Variants in CCDC171 observed in about 807,000 individuals in gnomAD.
CCDC171 encodes the protein coiled-coil domain-containing protein 171.
In CCDC171, 177 loss-of-function variants were observed where a neutral mutation model predicts 168.2. The ratio of observed to expected loss-of-function variants is 1.05; its 90% CI spans 0.93 to 1.19. CCDC171 has a LOEUF of 1.19. Ranked by LOEUF, CCDC171 falls within the 50% of genes most tolerant of loss-of-function variation. CCDC171 has a pLI of 0.00. For missense variants in CCDC171, 1,991 were observed against 1,539.0 expected, an observed-to-expected ratio of 1.29 and a Z score of -4.91; for synonymous variants, 687 against 540.8, an observed-to-expected ratio of 1.27 and a Z score of -3.75.
chr9:15,583,699 T>A (rs535873691), intron 4 of CCDC171, among the ~76,000 whole-genome samples: 1 of 152,042 alleles, frequency 6.6e-6, no homozygotes, highest in African/African-American at 2.4e-5. Flanking sequence ...GGGTGATGAG[T>A]GCACCAGAAT....
chr9:15,932,181 A>C (rs937458821), intron 25 of CCDC171, among the ~76,000 whole-genome samples: 4 of 151,870 alleles, frequency 2.6e-5, no homozygotes, highest in Non-Finnish European at 5.9e-5. Context: ...ACTGCATTAC[A>C]TCTATAGATC....
chr9:15,816,298 T>C lies in CCDC171; in HGVS notation c.3268-30404T>C, dbSNP rs1480529638. On this transcript the variant is annotated intron_variant, in intron 21 of 25. Transcript: ENST00000380701. ...TTTGTATAAACTTTTTTACAAACAT[T>C]ATATTAGTTTTTTAAATTAAACCTG... Among the ~76,000 whole-genome samples, 11 of 117,694 alleles carry C rather than the reference T, an allele frequency of 9.3e-5. 5 individuals carry two copies. The highest frequency in any genetic ancestry group is 1.7e-4 in the Non-Finnish European group (9 of 52,280). 77.2% of individuals were successfully genotyped at this position (117,694 alleles called of 152,430 possible).
At chr9:16,107,228 C>T in the CCDC171 span, among the ~76,000 whole-genome samples, 1 of 152,128 alleles carries the variant, frequency 6.6e-6, no homozygotes, top group Non-Finnish European at 1.5e-5. Flanking sequence ...TAGCTCACTG[C>T]AGCCTTAAAT....
intron 1 of CCDC171, among the ~76,000 whole-genome samples, chr9:15,558,566 G>C (rs550059317): frequency 6.6e-6 from 1 of 152,256 alleles, no homozygotes; most frequent in Non-Finnish European, 1.5e-5. Context: ...ATTTCTGTGG[G>C]ATCAGTGGTG....
intron 25 of CCDC171, among the ~76,000 whole-genome samples, chr9:15,959,156 C>T (rs1333036233): frequency 6.6e-6 from 1 of 152,136 alleles, no homozygotes; most frequent in Non-Finnish European, 1.5e-5. Flanking sequence ...TAATTTGCCA[C>T]TGAGGCTGCT....
At chr9:15,846,593 A>G (rs1465509371) in intron 21 of CCDC171, 109 bp from the exon 22 acceptor site, 4 of 1,132,810 alleles carry the variant, frequency 3.5e-6, no homozygotes, top group African/African-American at 3.1e-5. Flanking sequence ...GTAATGACCC[A>G]AGTCTACTTC....
At chr9:15,780,222 G>A (rs1307475195) in intron 20 of CCDC171, among the ~76,000 whole-genome samples, 1 of 152,084 alleles carries the variant, frequency 6.6e-6, no homozygotes, top group Non-Finnish European at 1.5e-5. Flanking sequence ...TTACTCTTAA[G>A]CCATAGGTTT....
In CCDC171 at chr9:15,695,250, G is replaced by A; in HGVS notation, c.1231G>A (p.Ala411Thr). Residue 411 changes from alanine to threonine, a missense_variant, in exon 11 of 26, where the codon GCC becomes ACC. By Grantham distance (58) the Ala-to-Thr change is moderately conservative. Transcript: ENST00000380701. Reference sequence around the variant, plus strand: ...TAATTAAAAGGCTAAGAAGCACCAGGCCTTCCTAGTAGAGACATGTGAAAA... The same window carrying A: ...TAATTAAAAGGCTAAGAAGCACCAGACCTTCCTAGTAGAGACATGTGAAAA... ...EELVMAKKHQAFLVETCENNV... is the reference protein window; with the variant it reads ...EELVMAKKHQTFLVETCENNV... 6.2e-7 allele frequency: 1 copy of A among 1,613,434 alleles called. No individual in the cohort carries two copies. The highest frequency in any genetic ancestry group is 1.1e-5 in the South Asian group (1 of 91,042).
rs567742098 is a variant in CCDC171 at position 16,057,228 on chromosome 9, A to T, written n.90-3418A>T. Among the ~76,000 whole-genome samples, 3 of 152,324 alleles carry T rather than the reference A, an allele frequency of 2.0e-5. No individual in the cohort carries two copies. The South Asian group carries it at 6.2e-4, about 32-fold the overall frequency. Reference sequence around the variant, plus strand: ...TATTAACCCCATTTTATAGATGAAAATGATAAGAACCATGAAGGTTCAGTT... The same window carrying T: ...TATTAACCCCATTTTATAGATGAAATTGATAAGAACCATGAAGGTTCAGTT... On this transcript the variant is annotated intron_variant and non_coding_transcript_variant, in intron 1 of 1. Coordinates refer to the CCDC171 transcript ENST00000478913.
chr9:15,663,231 C>T (rs1220710780), intron 8 of CCDC171, among the ~76,000 whole-genome samples: 2 of 152,174 alleles, frequency 1.3e-5, no homozygotes, highest in African/African-American at 2.4e-5. Flanking sequence ...TATGTTTGCA[C>T]AGCGTCAAAC....
At chr9:15,724,292 G>T (rs1395372087) in intron 13 of CCDC171, among the ~76,000 whole-genome samples, 1 of 152,124 alleles carries the variant, frequency 6.6e-6, no homozygotes, top group Admixed American at 6.5e-5. Context: ...GTTGTTTCAT[G>T]TTGGGTTTGT....
chr9:15,779,307 A>G (rs1422633952), intron 20 of CCDC171, among the ~76,000 whole-genome samples, 157 bp downstream of exon 20: 1 of 152,116 alleles, frequency 6.6e-6, no homozygotes, highest in Admixed American at 6.6e-5. Context: ...CCTGTCTAAA[A>G]TGCCTCTAAT....
chr9:15,704,889 G>T (rs1369281258), intron 11 of CCDC171, among the ~76,000 whole-genome samples: 1 of 151,924 alleles, frequency 6.6e-6, no homozygotes, highest in Admixed American at 6.6e-5. Flanking sequence ...GTGACTAATG[G>T]GGTCTCTCTG....
chr9:15,764,422 A>G (rs1315105423), intron 18 of CCDC171, among the ~76,000 whole-genome samples: 1 of 152,184 alleles, frequency 6.6e-6, no homozygotes, highest in African/African-American at 2.4e-5. Context: ...GGACTTGGTT[A>G]TTGGCTAGAG....
chr9:15,630,092 A>G (rs1347883577), intron 7 of CCDC171, among the ~76,000 whole-genome samples: 2 of 152,230 alleles, frequency 1.3e-5, no homozygotes, highest in Non-Finnish European at 2.9e-5. Flanking sequence ...TGTAAAGACC[A>G]TCGAGGCTAG....
chr9:15,932,094 T>G (rs1826595294), intron 25 of CCDC171, among the ~76,000 whole-genome samples: 1 of 151,738 alleles, frequency 6.6e-6, no homozygotes, highest in African/African-American at 2.4e-5. Flanking sequence ...GGTTTTTGTG[T>G]GTGTATGTGG....
chr9:15,650,998 C>T (rs1018044289), intron 7 of CCDC171, among the ~76,000 whole-genome samples: 8 of 152,136 alleles, frequency 5.3e-5, no homozygotes, highest in Non-Finnish European at 1.2e-4. Flanking sequence ...AATCTGTCTT[C>T]CCTGCCACCC....
intron 23 of CCDC171, among the ~76,000 whole-genome samples, chr9:15,858,405 G>C (rs2061426894): frequency 6.6e-6 from 1 of 152,008 alleles, no homozygotes; most frequent in Admixed American, 6.6e-5. Context: ...ATTTGAGGCA[G>C]TTTCTGGTTG....
At chr9:16,067,854 T>C in the CCDC171 span, among the ~76,000 whole-genome samples, 1 of 152,208 alleles carries the variant, frequency 6.6e-6, no homozygotes, top group South Asian at 2.1e-4. Context: ...CGTGCTGTTT[T>C]GGTTACTGTA....
Sources: allele counts gnomAD v4.1 joint callset (sites outside exome capture counted in the v4.1 genomes callset), GRCh38; gene constraint gnomAD v4.1.1; transcripts MANE v1.5; gene names NCBI Gene and HGNC (gene_info 2026-07-23, HGNC 2026-07-21).